Variants in PABPC4L observed in about 807,000 individuals in gnomAD.
The protein encoded by PABPC4L is poly(A) binding protein cytoplasmic 4 like.
For synonymous variants in PABPC4L, 169 were observed against 164.1 expected, an observed-to-expected ratio of 1.03 and a Z score of -0.23; for missense variants, 452 against 451.4, an observed-to-expected ratio of 1.00 and a Z score of -0.01.
the PABPC4L span, among the ~76,000 whole-genome samples, chr4:134,009,985 C>T: frequency 6.6e-6 from 1 of 152,010 alleles, no homozygotes; most frequent in East Asian, 1.9e-4. Flanking sequence ...AAAAGAGAAG[C>T]TCAGCTAATG....
At chr4:134,159,451 A>G in the PABPC4L span, among the ~76,000 whole-genome samples, 1 of 152,146 alleles carries the variant, frequency 6.6e-6, no homozygotes, top group Non-Finnish European at 1.5e-5. Flanking sequence ...CCCTCCCTCA[A>G]GCCCAGACAG....
chr4:134,136,799 T>C, the PABPC4L span, among the ~76,000 whole-genome samples: 1 of 152,200 alleles, frequency 6.6e-6, no homozygotes, highest in Non-Finnish European at 1.5e-5. Context: ...TATTTTTCTT[T>C]CTAATTTTAA....
At chr4:133,949,068 GT>G in the PABPC4L span, among the ~76,000 whole-genome samples, 1 of 152,082 alleles carries the variant, frequency 6.6e-6, no homozygotes, top group Non-Finnish European at 1.5e-5. Flanking sequence ...CTAGTTTATT[GT>G]GATTGATATA....
At chr4:134,151,338 A>C in the PABPC4L span, among the ~76,000 whole-genome samples, 3 of 152,260 alleles carry the variant, frequency 2.0e-5, no homozygotes, top group East Asian at 5.8e-4. Context: ...CATGCTAACC[A>C]TTATATCCCA....
At chr4:134,026,301 T>TG in the PABPC4L span, among the ~76,000 whole-genome samples, 1 of 151,814 alleles carries the variant, frequency 6.6e-6, no homozygotes, top group African/African-American at 2.4e-5. Context: ...AGTGGCACAA[T>TG]CTCGGCTCGC....
the PABPC4L span, among the ~76,000 whole-genome samples, chr4:134,020,788 A>AT: frequency 6.6e-6 from 1 of 152,144 alleles, no homozygotes; most frequent in Non-Finnish European, 1.5e-5. Context: ...TTAAAGATAG[A>AT]TTTTAAAAAG....
downstream of PABPC4L, chr4:134,196,247 A>G (rs1729652285): frequency 6.6e-6 from 1 of 151,624 alleles, no homozygotes; most frequent in Admixed American, 6.6e-5. Flanking sequence ...TAAAAACACA[A>G]GTAATTTTCA....
the PABPC4L span, among the ~76,000 whole-genome samples, chr4:134,069,988 G>GT: frequency 0.31 from 33,756 of 108,114 alleles, 5,632 homozygotes; most frequent in Admixed American, 0.41. Context: ...CCTTTGGAGG[G>GT]TTTTTTTTTT....
the PABPC4L span, among the ~76,000 whole-genome samples, chr4:134,055,371 G>T: frequency 6.6e-6 from 1 of 151,866 alleles, no homozygotes; most frequent in Non-Finnish European, 1.5e-5. Context: ...ATATGAGAGA[G>T]CTCTCTCTGT....
At chr4:134,012,342 T>C in the PABPC4L span, among the ~76,000 whole-genome samples, 3 of 152,094 alleles carry the variant, frequency 2.0e-5, no homozygotes, top group African/African-American at 7.2e-5. Context: ...TGTTCCTGCC[T>C]TAACTGATGA....
the PABPC4L span, among the ~76,000 whole-genome samples, chr4:133,993,411 C>T: frequency 6.6e-6 from 1 of 151,922 alleles, no homozygotes; most frequent in Non-Finnish European, 1.5e-5. Flanking sequence ...GTGGGCTGCC[C>T]CATAAATTCA....
At chr4:134,160,151 T>A in the PABPC4L span, among the ~76,000 whole-genome samples, 2 of 151,400 alleles carry the variant, frequency 1.3e-5, no homozygotes, top group Non-Finnish European at 2.9e-5. Context: ...GGGCAAGGTT[T>A]AGTACCATGC....
At chr4:134,018,062 G>T in the PABPC4L span, among the ~76,000 whole-genome samples, 1 of 152,006 alleles carries the variant, frequency 6.6e-6, no homozygotes, top group Admixed American at 6.6e-5. Flanking sequence ...CTTAACTGAT[G>T]ACATTCCACC....
the PABPC4L span, among the ~76,000 whole-genome samples, chr4:134,149,660 A>G: frequency 1.9e-3 from 290 of 152,304 alleles, 13 homozygotes; most frequent in South Asian, 0.054. Flanking sequence ...AGAATACACA[A>G]TGGAAATGTT....
chr4:133,979,090 T>G, the PABPC4L span, among the ~76,000 whole-genome samples: 1 of 152,180 alleles, frequency 6.6e-6, no homozygotes, highest in Non-Finnish European at 1.5e-5. Context: ...TGAAAAGATT[T>G]TCCATGTTCA....
chr4:134,044,440 T>C, the PABPC4L span, among the ~76,000 whole-genome samples: 1 of 151,866 alleles, frequency 6.6e-6, no homozygotes, highest in East Asian at 2.0e-4. Flanking sequence ...ATTTTTTGTA[T>C]TTTTTAATAG....
Position 134,199,834 on chromosome 4 carries a change from T to G in PABPC4L, c.*73A>C. 6.7e-7 allele frequency: 1 copy of G among 1,494,824 alleles called. No homozygotes were observed. The highest frequency in any genetic ancestry group is 8.9e-7 in the Non-Finnish European group (1 of 1,120,150). 92.6% of individuals were successfully genotyped at this position (1,494,824 alleles called of 1,614,324 possible). ...ATGTGGAATATGAAATTTACTGAGG[T>G]CAATTCAGGCAGAGATCACTATCAT... On this transcript the variant is annotated 3_prime_UTR_variant, in exon 2 of 2. Transcript: ENST00000421491.
At chr4:133,950,456 A>T in the PABPC4L span, among the ~76,000 whole-genome samples, 1 of 152,160 alleles carries the variant, frequency 6.6e-6, no homozygotes, top group African/African-American at 2.4e-5. Context: ...TACTTTTTTA[A>T]CAAGGATATA....
the PABPC4L span, among the ~76,000 whole-genome samples, chr4:134,141,746 G>C: frequency 0.026 from 3,939 of 151,604 alleles, 141 homozygotes; most frequent in African/African-American, 0.089. Flanking sequence ...GTCAGCCACT[G>C]GGGTGATGGA....
Sources: gnomAD v4.1 joint callset for allele counts (sites outside exome capture counted in the v4.1 genomes callset) on GRCh38, gnomAD v4.1.1 for gene constraint, MANE v1.5 for transcripts, NCBI Gene and HGNC (gene_info 2026-07-23, HGNC 2026-07-21) for gene names.